CCNH: variants seen among roughly 807,000 people sequenced by gnomAD.
CCNH encodes the protein cyclin-H.
In CCNH, 31 loss-of-function variants were observed where a neutral mutation model predicts 41.9. The ratio of observed to expected loss-of-function variants is 0.74; its 90% CI spans 0.56 to 1.00. The LOEUF (loss-of-function observed/expected upper bound fraction) is 1.00, where lower values mean the gene tolerates loss of function less well. Among genes scored for constraint, CCNH ranks in the 50% least tolerant of loss-of-function variants. The pLI, the probability that CCNH is intolerant of heterozygous loss-of-function variation, is 0.00. For missense variants in CCNH, 362 were observed against 388.4 expected (o/e 0.93, Z 0.57); for synonymous variants, 138 against 136.1 (o/e 1.01, Z -0.10).
chr5:87,325,157 A>G (rs751860144), intron 9 of CCNH, among the ~76,000 whole-genome samples: 13 of 152,082 alleles, frequency 8.5e-5, no homozygotes, highest in Non-Finnish European at 1.8e-4. Flanking sequence ...ATCAAGGAGA[A>G]GTACTGAGCA....
exon 1 of CCNH, chr5:87,377,172 C>T: frequency 4.9e-6 from 6 of 1,230,914 alleles, no homozygotes; most frequent in Non-Finnish European, 6.9e-6. Flanking sequence ...GTTTTCCCTC[C>T]TTAAAAATTG....
chr5:87,333,083 A>G (rs1454531535), intron 9 of CCNH, among the ~76,000 whole-genome samples: 1 of 152,136 alleles, frequency 6.6e-6, no homozygotes, highest in Admixed American at 6.5e-5. Flanking sequence ...TGATTTTCAT[A>G]AAAACAGGAA....
chr5:87,369,713 A>T (rs1760788969), intron 9 of CCNH: 1 of 800,062 alleles, frequency 1.2e-6, no homozygotes, highest in African/African-American at 1.7e-5. Flanking sequence ...AAGAATTATA[A>T]TTTTATGTTA....
intron 9 of CCNH, among the ~76,000 whole-genome samples, chr5:87,322,304 A>G (rs1756882381): frequency 6.6e-6 from 1 of 152,226 alleles, no homozygotes; most frequent in Non-Finnish European, 1.5e-5. Context: ...AGCTTAGATC[A>G]GCAGCAGCAT....
chr5:87,373,993 G>A (rs1761136089), downstream of CCNH, among the ~76,000 whole-genome samples: 1 of 151,452 alleles, frequency 6.6e-6, no homozygotes, highest in Non-Finnish European at 1.5e-5. Flanking sequence ...ATGTCTGAAT[G>A]TTTTAAGTAT....
chr5:87,403,308 A>G (rs1763552533), intron 5 of CCNH, among the ~76,000 whole-genome samples: 1 of 152,036 alleles, frequency 6.6e-6, no homozygotes, highest in African/African-American at 2.4e-5. Context: ...AGCCAAAGGT[A>G]TGGCAATTTC....
chr5:87,313,436 C>G (rs949056957), downstream of CCNH, among the ~76,000 whole-genome samples: 7 of 152,088 alleles, frequency 4.6e-5, no homozygotes, highest in Non-Finnish European at 7.4e-5. Context: ...GAGTGAAAGT[C>G]ATTCTCCAGT....
intron 5 of CCNH, among the ~76,000 whole-genome samples, chr5:87,403,441 G>A (rs1265548579): frequency 6.6e-6 from 1 of 152,074 alleles, no homozygotes; most frequent in African/African-American, 2.4e-5. Context: ...CAAACTTTTG[G>A]TTATTTGAAT....
At chr5:87,376,737 A>C (rs1761353144) in exon 1 of CCNH, 10 of 1,200,898 alleles carry the variant, frequency 8.3e-6, no homozygotes, top group Non-Finnish European at 1.2e-5. Context: ...GTAGACTACG[A>C]ATTCATTCTA....
chr5:87,338,536 A>ATTTTTTTTTTTTTTTTT (rs1232583853), intron 9 of CCNH, among the ~76,000 whole-genome samples: 1 of 85,222 alleles, frequency 1.2e-5, no homozygotes, highest in African/African-American at 4.4e-5. Context: ...TATATATAAA[A>ATTTTTTTTTTTTTTTTT]TTTTTTTTTT....
chr5:87,410,469 T>C (rs1201973443), intron 2 of CCNH, among the ~76,000 whole-genome samples: 4 of 152,142 alleles, frequency 2.6e-5, no homozygotes, highest in East Asian at 1.9e-4. Flanking sequence ...TTTTCAACTA[T>C]AAAAATGGAG....
At chr5:87,350,189 T>C (rs1759158863) in intron 9 of CCNH, among the ~76,000 whole-genome samples, 3 of 151,880 alleles carry the variant, frequency 2.0e-5, no homozygotes, top group Non-Finnish European at 1.5e-5. Flanking sequence ...CAAGTTCTTC[T>C]AGTTGCTTGC....
chr5:87,363,599 T>A (rs1561311624), intron 9 of CCNH: 1 of 1,397,082 alleles, frequency 7.2e-7, no homozygotes, highest in East Asian at 2.3e-5. Flanking sequence ...TAAAATCATC[T>A]TCTAAAAGTA....
intron 9 of CCNH, among the ~76,000 whole-genome samples, chr5:87,321,737 TGCCCACCTTCAC>T (rs1191970878): frequency 2.0e-5 from 3 of 152,258 alleles, no homozygotes; most frequent in Non-Finnish European, 4.4e-5. Flanking sequence ...CTCACCTTCT[TGCCCACCTTCAC>T]ATGTTCAGCT....
At chr5:87,322,468 G>A (rs1038554028) in intron 9 of CCNH, among the ~76,000 whole-genome samples, 2 of 152,152 alleles carry the variant, frequency 1.3e-5, no homozygotes, top group Admixed American at 1.3e-4. Flanking sequence ...TGGAAAAATT[G>A]TCTTCCACTA....
upstream of CCNH, chr5:87,379,755 A>G (rs2112498804): frequency 6.2e-7 from 1 of 1,612,490 alleles, no homozygotes; most frequent in East Asian, 2.2e-5. Context: ...CAAAGTTAGA[A>G]AAAAATGAAG....
At chr5:87,378,298 C>A, upstream of CCNH, 1 of 1,382,904 alleles carries the variant, frequency 7.2e-7, no homozygotes, top group African/African-American at 1.4e-5. Context: ...ATTTAAGTGG[C>A]TATTCCTGTT....
intron 9 of CCNH, among the ~76,000 whole-genome samples, chr5:87,339,451 T>G (rs1758280834): frequency 6.6e-6 from 1 of 152,214 alleles, no homozygotes; most frequent in Non-Finnish European, 1.5e-5. Flanking sequence ...CTATAAAATT[T>G]GTTAGTTACA....
At chr5:87,322,165 G>C (rs1756869310) in intron 9 of CCNH, among the ~76,000 whole-genome samples, 1 of 152,070 alleles carries the variant, frequency 6.6e-6, no homozygotes, top group African/African-American at 2.4e-5. Context: ...GTTTAAAGCA[G>C]GGGTCCTCAA....
Sources: gnomAD v4.1 joint callset for allele counts (sites outside exome capture counted in the v4.1 genomes callset) on GRCh38, gnomAD v4.1.1 for gene constraint, MANE v1.5 for transcripts, NCBI Gene and HGNC (gene_info 2026-07-23, HGNC 2026-07-21) for gene names.